ADH6: variants seen among roughly 807,000 people sequenced by gnomAD.
ADH6 encodes the protein alcohol dehydrogenase 6 (class V), also known as alcohol dehydrogenase 6.
A neutral mutation model predicts 36.5 loss-of-function variants in ADH6; 34 were observed. The observed-to-expected ratio is 0.93, with a 90% confidence interval of 0.71 to 1.24. ADH6 has a LOEUF of 1.24. Among genes scored for constraint, ADH6 ranks in the 50% most tolerant of loss-of-function variants. The pLI is 0.00. For missense variants in ADH6, 440 were observed against 447.0 expected (o/e 0.98, Z 0.14); for synonymous variants, 161 against 155.5 (o/e 1.04, Z -0.26).
chr4:99,216,135 A>ATTTT (rs34008565), intron 2 of ADH6, 26 bp downstream of exon 2: 256 of 865,004 alleles, frequency 3.0e-4, no homozygotes, highest in African/African-American at 3.9e-4. Context: ...TTTTGGTGTG[A>ATTTT]TTTTTTTTTT....
rs1288410045 is a variant in ADH6, at chr4:99,207,580, G to A, written c.830C>T (p.Ala277Val). Residue 277 changes from alanine (A) to valine (V), a missense_variant and splice_region_variant, in exon 7 of 9, where the codon GCA becomes GTA. Transcript: ENST00000394899. The part of the protein sequence containing the change: ...FEAIGNLDVL[A>V]AALASCNESY... ...CTCATTGCAGGAGGCGAGGGCAGCT[G>A]CCTGTTAGAAAGTGATGCAATACAG... 6.2e-7 allele frequency: 1 copy of A among 1,613,110 alleles called. No homozygotes were observed. Among genetic ancestry groups the A allele is most frequent in the East Asian group, 2.2e-5 (1 of 44,840 alleles).
chr4:99,207,591 A>G lies in ADH6; in HGVS notation c.829-10T>C. On this transcript the variant is annotated splice_polypyrimidine_tract_variant and intron_variant, in intron 6 of 8. Coordinates refer to ENST00000394899, the MANE Select transcript of ADH6 (RefSeq NM_001102470.2). ...AGGCGAGGGCAGCTGCCTGTTAGAA[A>G]GTGATGCAATACAGTATAGGGGTTA... The G allele has an allele frequency of 6.2e-7, 1 of 1,612,894 alleles. No individual in the cohort carries two copies.
intron 1 of ADH6, among the ~76,000 whole-genome samples, chr4:99,218,496 C>G (rs1167959746): frequency 6.6e-6 from 1 of 152,208 alleles, no homozygotes; most frequent in Admixed American, 6.5e-5. Flanking sequence ...AATCTCCTAT[C>G]TAAAAATGAT....
chr4:99,208,746 G>A lies in ADH6; in HGVS notation c.750C>T (p.Pro250=). 6.2e-7 allele frequency: 1 copy of A among 1,613,780 alleles called. No homozygotes were observed. The highest frequency in any genetic ancestry group is 8.5e-7 in the Non-Finnish European group (1 of 1,179,766). ...TCATATCAAATAAAACTTCTTGAAT[G>A]GGTTTCTTTAAGTCCTGAGGGTTGA... ...ECLNPQDLKK[P]IQEVLFDMTD... The change falls in exon 6 of 9, where the codon CCC becomes CCT. Residue 250 remains proline (P), a synonymous_variant. Coordinates refer to ENST00000394899, the MANE Select transcript of ADH6 (RefSeq NM_001102470.2).
rs1239264684 is a variant in ADH6 at position 99,204,080 on chromosome 4, T to C, written c.*139A>G. ...AAATGGTTAGGTCAGAAGCCAGATA[T>C]AGGTCCACTGCGGAGTGAATCAGAA... On this transcript the variant is annotated 3_prime_UTR_variant, in exon 9 of 9. Transcript: ENST00000394899. 7 of 1,012,028 alleles carry C rather than the reference T, an allele frequency of 6.9e-6. No individual in the cohort carries two copies. The allele number at this position is 1,012,028 out of a possible 1,614,324, so 62.7% of individuals were successfully genotyped here.
chr4:99,218,030 T>G (rs1021715991), intron 1 of ADH6, among the ~76,000 whole-genome samples: 1 of 152,212 alleles, frequency 6.6e-6, no homozygotes, highest in Admixed American at 6.5e-5. Context: ...GTCTTATCTA[T>G]TTTTGCAGAT....
intron 5 of ADH6, among the ~76,000 whole-genome samples, chr4:99,209,314 G>A (rs1024563499): frequency 8.0e-5 from 12 of 150,266 alleles, no homozygotes; most frequent in Admixed American, 3.3e-4. Context: ...TCTCTCTCTC[G>A]GTATCTGTAA....
At chr4:99,204,489 GT>G in intron 8 of ADH6, 2 of 1,305,020 alleles carry the variant, frequency 1.5e-6, no homozygotes, top group South Asian at 2.2e-5. Flanking sequence ...GCTGGTTTCT[GT>G]TTTTTGGGTC....
At chr4:99,215,029 T>C (rs1229391734) in intron 2 of ADH6, among the ~76,000 whole-genome samples, 1 of 152,226 alleles carries the variant, frequency 6.6e-6, no homozygotes, top group Non-Finnish European at 1.5e-5. Context: ...TTGCCTACCA[T>C]CACTTACTCT....
At chr4:99,209,007 T>C (rs1731134035) in intron 5 of ADH6, 79 bp from the exon 6 acceptor site, 14 of 1,410,538 alleles carry the variant, frequency 9.9e-6, no homozygotes, top group Non-Finnish European at 1.3e-5. Flanking sequence ...GAAGGCTAAG[T>C]CTATATGCAT....
At chr4:99,211,462 C>A (rs189818160) in intron 3 of ADH6, among the ~76,000 whole-genome samples, 2 of 152,238 alleles carry the variant, frequency 1.3e-5, no homozygotes, top group South Asian at 2.1e-4. Context: ...TTTCTCTACA[C>A]CCCAACACTA....
At chr4:99,217,332 G>A (rs576746983) in intron 1 of ADH6, among the ~76,000 whole-genome samples, 2 of 152,242 alleles carry the variant, frequency 1.3e-5, no homozygotes, top group South Asian at 2.1e-4. Flanking sequence ...CACCACGCCC[G>A]GCCATGTTTG....
intron 8 of ADH6, chr4:99,204,606 T>G (rs1197354463): frequency 8.5e-7 from 1 of 1,171,794 alleles, no homozygotes; most frequent in Non-Finnish European, 1.1e-6. Flanking sequence ...TTCTTATGTT[T>G]TTAAACTTGA....
Position 99,203,038 on chromosome 4 carries a change from T to C in ADH6, c.*1181A>G. ...CATGATGGGAGAGAGAGACTGAGGG[T>C]GCAGCCCACCTTCCTGGCCAGTGTT... On this transcript the variant is annotated 3_prime_UTR_variant, in exon 9 of 9. Transcript: ENST00000394899. The C allele has an allele frequency of 2.6e-6, 1 of 383,012 alleles. No individual in the cohort carries two copies. The highest frequency in any genetic ancestry group is 4.6e-6 in the Non-Finnish European group (1 of 216,408). 23.7% of individuals were successfully genotyped at this position (383,012 alleles called of 1,614,324 possible). A position where few individuals can be genotyped will look rare whatever the true frequency, so the allele number is the denominator to read the frequency against.
intron 6 of ADH6, among the ~76,000 whole-genome samples, chr4:99,208,160 G>C (rs770612164): frequency 2.8e-4 from 43 of 152,102 alleles, no homozygotes; most frequent in Non-Finnish European, 5.1e-4. Flanking sequence ...CTGACTAGAC[G>C]ATAGAGCCAT....
At chr4:99,207,135 G>A (rs1204966557) in intron 7 of ADH6, among the ~76,000 whole-genome samples, 2 of 151,864 alleles carry the variant, frequency 1.3e-5, no homozygotes, top group African/African-American at 2.4e-5. Flanking sequence ...GTATAATTTC[G>A]CTGAAGTGTA....
In ADH6 at chr4:99,205,018, A is replaced by G. The variant is rs1560803215; in HGVS notation, c.1010T>C (p.Met337Thr). 2 of 1,607,690 alleles carry G rather than the reference A, an allele frequency of 1.2e-6. No individual in the cohort carries two copies. Among genetic ancestry groups the G allele is most frequent in the African/African-American group, 2.7e-5 (2 of 74,396 alleles). The change falls in exon 8 of 9, where the codon ATG (methionine) becomes ACG (threonine). Residue 337 changes from methionine to threonine, a missense_variant. Transcript: ENST00000394899. ...QHIPKLVADY[M>T]AEKLNLDPLI... ...TGGATCTAGATTCAACTTCTCTGCC[A>G]TATAATCAGCAACCAGTTTAGGGAT... is the stretch of plus-strand genomic sequence containing the variant.
In ADH6 at chr4:99,219,118, A is replaced by C. The variant is rs200874130; in HGVS notation, c.18+17T>G. ...GACAAAGATATGACACAACATAAAGAATAAGACTGCACCTACTTGGCCTGT... is the reference window on the plus strand; with the variant it reads ...GACAAAGATATGACACAACATAAAGCATAAGACTGCACCTACTTGGCCTGT... On this transcript the variant is annotated intron_variant, in intron 1 of 8. Transcript: ENST00000394899. The C allele has an allele frequency of 6.2e-7, 1 of 1,609,010 alleles. No individual in the cohort carries two copies. Among genetic ancestry groups the C allele is most frequent in the Non-Finnish European group, 8.5e-7 (1 of 1,175,576 alleles).
intron 6 of ADH6, 90 bp from the exon 7 acceptor site, chr4:99,207,671 G>A: frequency 1.5e-6 from 2 of 1,325,684 alleles, no homozygotes; most frequent in Non-Finnish European, 2.1e-6. Context: ...ACTCCTAAAT[G>A]GTCTATGACT....
Sources: allele counts gnomAD v4.1 joint callset (sites outside exome capture counted in the v4.1 genomes callset), GRCh38; gene constraint gnomAD v4.1.1; transcripts MANE v1.5; gene names NCBI Gene and HGNC (gene_info 2026-07-23, HGNC 2026-07-21).